ADRA1B: variants seen among roughly 807,000 people sequenced by gnomAD.
ADRA1B encodes adrenoceptor alpha 1B, also known as alpha-1B adrenergic receptor.
In ADRA1B, 17 loss-of-function variants were observed where a neutral mutation model predicts 17.9. The ratio of observed to expected loss-of-function variants is 0.95; its 90% CI spans 0.65 to 1.42. The LOEUF (loss-of-function observed/expected upper bound fraction) is 1.42. ADRA1B is among the 40% of genes most tolerant of loss of function. The pLI is 0.00. For synonymous variants in ADRA1B, 366 were observed against 327.6 expected, an observed-to-expected ratio of 1.12 and a Z score of -1.27; for missense variants, 681 against 722.1, an observed-to-expected ratio of 0.94 and a Z score of 0.65.
intron 1 of ADRA1B, among the ~76,000 whole-genome samples, chr5:159,927,173 T>G (rs1467083132): frequency 6.6e-6 from 1 of 152,122 alleles, no homozygotes; most frequent in African/African-American, 2.4e-5. Context: ...TGGGGGAGAT[T>G]GTCCCATTGC....
At chr5:159,931,171 C>G (rs1192022371) in intron 1 of ADRA1B, among the ~76,000 whole-genome samples, 1 of 151,314 alleles carries the variant, frequency 6.6e-6, no homozygotes, top group African/African-American at 2.4e-5. Context: ...AGGAGGATCA[C>G]TTGAGCCCAG....
intron 1 of ADRA1B, among the ~76,000 whole-genome samples, chr5:159,936,445 A>C (rs1179797176): frequency 6.6e-6 from 1 of 152,222 alleles, no homozygotes; most frequent in Non-Finnish European, 1.5e-5. Context: ...TTCTTGATGA[A>C]AAGAATGATG....
chr5:159,899,621 G>A (rs937235672), intron 1 of ADRA1B, among the ~76,000 whole-genome samples: 2 of 152,184 alleles, frequency 1.3e-5, no homozygotes, highest in African/African-American at 4.8e-5. Flanking sequence ...AGATTTTGAT[G>A]TAAATGGATC....
chr5:159,932,255 G>C lies in ADRA1B; in HGVS notation c.949+14401G>C, dbSNP rs1015109163. ...TGCAGTCTTGAACTCTTGGACCCAA[G>C]CGATCCTCCCCTTACTTCATCCTCC... On this transcript the variant is annotated intron_variant, in intron 1 of 1. Transcript: ENST00000306675. Among the ~76,000 whole-genome samples, 5 of 152,064 alleles carry C rather than the reference G, an allele frequency of 3.3e-5. No homozygotes were observed. The South Asian group carries it at 1.0e-3, about 32-fold the overall frequency.
At chr5:159,973,573 C>T (rs1755927089), downstream of ADRA1B, among the ~76,000 whole-genome samples, 1 of 152,162 alleles carries the variant, frequency 6.6e-6, no homozygotes, top group Non-Finnish European at 1.5e-5. Context: ...AAACTGCAGA[C>T]GTTTCTGGAT....
intron 1 of ADRA1B, among the ~76,000 whole-genome samples, chr5:159,939,846 T>C (rs1307880873): frequency 6.6e-6 from 1 of 152,200 alleles, no homozygotes; most frequent in Non-Finnish European, 1.5e-5. Flanking sequence ...TTCTCTCCTG[T>C]GCACTGTGAG....
intron 1 of ADRA1B, among the ~76,000 whole-genome samples, chr5:159,910,963 G>A (rs564037863): frequency 5.0e-4 from 76 of 152,200 alleles, no homozygotes; most frequent in Middle Eastern, 6.8e-3. Flanking sequence ...ACTTTAGGAC[G>A]TGTGGTTGGG....
intron 1 of ADRA1B, among the ~76,000 whole-genome samples, chr5:159,901,428 GA>G (rs879465443): frequency 0.053 from 5,773 of 108,458 alleles, 275 homozygotes; most frequent in African/African-American, 0.091. Flanking sequence ...GGGGGAGGGA[GA>G]GGGGGAGGGG....
intron 1 of ADRA1B, among the ~76,000 whole-genome samples, chr5:159,929,487 C>T (rs1339114505): frequency 6.7e-6 from 1 of 149,314 alleles, no homozygotes; most frequent in Non-Finnish European, 1.5e-5. Context: ...TTTTTTTTCT[C>T]ACCCAAGTTT....
chr5:159,986,486 G>A, the ADRA1B span, among the ~76,000 whole-genome samples: 3 of 152,212 alleles, frequency 2.0e-5, no homozygotes, highest in Admixed American at 6.5e-5. Context: ...AAAGAGGTGT[G>A]TGCTCTGAGG....
At chr5:159,931,060 C>T (rs986487903) in intron 1 of ADRA1B, among the ~76,000 whole-genome samples, 3 of 146,792 alleles carry the variant, frequency 2.0e-5, no homozygotes, top group South Asian at 4.3e-4. Context: ...ATATATCTCC[C>T]GCTCTGTGAT....
chr5:159,894,495 T>A (rs1484083034), intron 1 of ADRA1B, among the ~76,000 whole-genome samples: 1 of 152,144 alleles, frequency 6.6e-6, no homozygotes, highest in Non-Finnish European at 1.5e-5. Flanking sequence ...GAGGGATAAA[T>A]TAAGGAGGCA....
intron 1 of ADRA1B, among the ~76,000 whole-genome samples, chr5:159,948,942 T>A (rs1317626439): frequency 6.6e-6 from 1 of 152,200 alleles, no homozygotes; most frequent in Admixed American, 6.5e-5. Context: ...TAATATTATC[T>A]CCATTTTATA....
At chr5:159,919,194 G>C (rs1754410668) in intron 1 of ADRA1B, among the ~76,000 whole-genome samples, 1 of 152,164 alleles carries the variant, frequency 6.6e-6, no homozygotes, top group Non-Finnish European at 1.5e-5. Context: ...ATGCCTTTCA[G>C]AAATATTTTC....
At chr5:159,953,187 C>T (rs1243993700) in intron 1 of ADRA1B, among the ~76,000 whole-genome samples, 1 of 152,010 alleles carries the variant, frequency 6.6e-6, no homozygotes, top group Non-Finnish European at 1.5e-5. Context: ...ATGGCAAAAC[C>T]CCATCTCTAC....
chr5:159,983,569 C>T, the ADRA1B span, among the ~76,000 whole-genome samples: 12 of 152,288 alleles, frequency 7.9e-5, no homozygotes, highest in East Asian at 1.9e-4. Context: ...TCTTCATCAC[C>T]GTCTTAGCCG....
chr5:159,952,284 T>C (rs1375130049), intron 1 of ADRA1B, among the ~76,000 whole-genome samples: 1 of 152,160 alleles, frequency 6.6e-6, no homozygotes, highest in Admixed American at 6.6e-5. Flanking sequence ...AATTTATAAA[T>C]TAGGCACAGT....
At chr5:159,980,812 A>T in the ADRA1B span, among the ~76,000 whole-genome samples, 2 of 152,156 alleles carry the variant, frequency 1.3e-5, no homozygotes, top group African/African-American at 2.4e-5. Context: ...AGAATTAGCC[A>T]TCAGGAAAGC....
rs527747468 is a variant in ADRA1B, at chr5:159,939,333, G to A, written c.949+21479G>A. Among the ~76,000 whole-genome samples the A allele has an allele frequency of 3.9e-4, 47 of 120,600 alleles. No individual in the cohort carries two copies. The South Asian group carries it at 7.1e-3, about 18-fold the overall frequency. 79.1% of individuals were successfully genotyped at this position (120,600 alleles called of 152,430 possible). A position where few individuals can be genotyped will look rare whatever the true frequency, so the allele number is the denominator to read the frequency against. Reference sequence around the variant, plus strand: ...TGTGTGTGTGTGTGTGCGCGCGCGCGCGCACACAATGCACTGAGGATAGTT... The same window carrying A: ...TGTGTGTGTGTGTGTGCGCGCGCGCACGCACACAATGCACTGAGGATAGTT... On this transcript the variant is annotated intron_variant, in intron 1 of 1. Coordinates refer to ENST00000306675, the MANE Select transcript of ADRA1B (RefSeq NM_000679.4).
Sources: allele counts gnomAD v4.1 joint callset (sites outside exome capture counted in the v4.1 genomes callset), GRCh38; gene constraint gnomAD v4.1.1; transcripts MANE v1.5; gene names NCBI Gene and HGNC (gene_info 2026-07-23, HGNC 2026-07-21).